MYO1B: variants seen among roughly 807,000 people sequenced by gnomAD.
The protein encoded by MYO1B is myosin IB.
MYO1B carries 72 observed loss-of-function variants against 159.7 expected under a neutral mutation model. The ratio of observed to expected loss-of-function variants is 0.45; its 90% CI spans 0.37 to 0.55. The LOEUF is 0.55. MYO1B is among the 20% of genes least tolerant of loss of function. The pLI is 0.00. For synonymous variants in MYO1B, 468 were observed against 473.8 expected (o/e 0.99, Z 0.16); for missense variants, 1,062 against 1,364.8 (o/e 0.78, Z 3.50).
At chr2:191,251,679 TAAAA>T (rs529526553) in intron 1 of MYO1B, among the ~76,000 whole-genome samples, 1 of 152,190 alleles carries the variant, frequency 6.6e-6, no homozygotes, top group Non-Finnish European at 1.5e-5. Flanking sequence ...TAAATTTGTT[TAAAA>T]AAAGAATGCA....
chr2:191,304,582 A>ATAG (rs1416315051), intron 3 of MYO1B, among the ~76,000 whole-genome samples: 1 of 100,608 alleles, frequency 9.9e-6, no homozygotes, highest in African/African-American at 3.0e-5. Context: ...AAAAACAACA[A>ATAG]CAGCAACAAC....
chr2:191,357,669 G>A (rs1050412821), intron 7 of MYO1B, among the ~76,000 whole-genome samples: 1 of 152,200 alleles, frequency 6.6e-6, no homozygotes, highest in Non-Finnish European at 1.5e-5. Context: ...AGAGAAGGCC[G>A]TGCCAATGTT....
intron 4 of MYO1B, 90 bp from the exon 5 acceptor site, chr2:191,341,371 T>C (rs1692210856): frequency 1.0e-6 from 1 of 955,204 alleles, no homozygotes. Flanking sequence ...GAAAATGCCG[T>C]TAGTGGGTCT....
intron 1 of MYO1B, among the ~76,000 whole-genome samples, chr2:191,275,735 T>G (rs1687712901): frequency 6.6e-6 from 1 of 152,232 alleles, no homozygotes; most frequent in African/African-American, 2.4e-5. Flanking sequence ...ATCAGCACAC[T>G]GAAGTTATAT....
intron 21 of MYO1B, 101 bp from the exon 22 acceptor site, chr2:191,400,281 C>G: frequency 1.6e-6 from 2 of 1,229,372 alleles, no homozygotes; most frequent in South Asian, 1.2e-5. Flanking sequence ...ATCACAATAG[C>G]ATGGGTGTTA....
Position 191,414,177 on chromosome 2 carries a change from G to A in MYO1B, c.3003G>A (p.Gly1001=). 6.2e-7 allele frequency: 1 copy of A among 1,610,286 alleles called. No homozygotes were observed. Among genetic ancestry groups the A allele is most frequent in the Non-Finnish European group, 8.5e-7 (1 of 1,178,746 alleles). The change falls in exon 28 of 31, where the codon GGG becomes GGA. Residue 1001 remains glycine, a synonymous_variant. Coordinates refer to ENST00000392318, the MANE Select transcript of MYO1B (RefSeq NM_001130158.3). ...TGAACAAAATTAACCGTGCTAATGGGAAGGTAAAAATGCTAACCTTGAAGA... is the reference window on the plus strand; with the variant it reads ...TGAACAAAATTAACCGTGCTAATGGAAAGGTAAAAATGCTAACCTTGAAGA... ...EVVNKINRAN[G]KSTSRIFLLT... is the part of the protein sequence containing the mutation.
At chr2:191,408,004 A>G (rs1204955752) in intron 24 of MYO1B, 111 bp from the exon 25 acceptor site, 2 of 588,102 alleles carry the variant, frequency 3.4e-6, no homozygotes, top group East Asian at 5.8e-5. Flanking sequence ...TCTAGAAAGG[A>G]CACTTATAAA....
intron 13 of MYO1B, 83 bp from the exon 14 acceptor site, chr2:191,381,379 A>G (rs776612717): frequency 1.0e-6 from 1 of 975,536 alleles, no homozygotes; most frequent in Non-Finnish European, 1.6e-6. Context: ...GGCATTTCTC[A>G]TGGATTGAGA....
chr2:191,324,930 A>G (rs1690955745), intron 3 of MYO1B, among the ~76,000 whole-genome samples: 1 of 152,172 alleles, frequency 6.6e-6, no homozygotes, highest in South Asian at 2.1e-4. Context: ...AATGTTTCTG[A>G]ATTAAGAATA....
chr2:191,279,873 G>A (rs1687953936), intron 2 of MYO1B, among the ~76,000 whole-genome samples: 1 of 152,108 alleles, frequency 6.6e-6, no homozygotes, highest in African/African-American at 2.4e-5. Context: ...TAATTTGTAT[G>A]TTTAGAGCTA....
At chr2:191,413,966 A>G in intron 27 of MYO1B, 82 bp from the exon 28 acceptor site, 4 of 1,415,292 alleles carry the variant, frequency 2.8e-6, no homozygotes, top group Non-Finnish European at 3.8e-6. Flanking sequence ...GCTACTCCTT[A>G]GAATCAACTG....
intron 3 of MYO1B, among the ~76,000 whole-genome samples, chr2:191,310,079 G>T (rs1222972791): frequency 6.6e-6 from 1 of 152,172 alleles, no homozygotes; most frequent in Non-Finnish European, 1.5e-5. Flanking sequence ...TTCTAGTTGT[G>T]GGTTGGGGGT....
chr2:191,360,468 G>C (rs1338156354), intron 7 of MYO1B, among the ~76,000 whole-genome samples, 163 bp from the exon 8 acceptor site: 1 of 152,134 alleles, frequency 6.6e-6, no homozygotes, highest in Non-Finnish European at 1.5e-5. Flanking sequence ...ATTTTCATTA[G>C]AGTTGTGGTT....
intron 7 of MYO1B, among the ~76,000 whole-genome samples, chr2:191,359,976 A>C (rs1203817005): frequency 6.6e-6 from 1 of 152,196 alleles, no homozygotes; most frequent in Non-Finnish European, 1.5e-5. Flanking sequence ...TATAATATCA[A>C]ATAACACCAA....
At chr2:191,360,332 A>G (rs1693582440) in intron 7 of MYO1B, among the ~76,000 whole-genome samples, 1 of 152,228 alleles carries the variant, frequency 6.6e-6, no homozygotes, top group South Asian at 2.1e-4. Flanking sequence ...CATTTTCAGG[A>G]ATTTAATGTC....
At chr2:191,289,766 A>T (rs1208756026) in intron 2 of MYO1B, among the ~76,000 whole-genome samples, 1 of 152,222 alleles carries the variant, frequency 6.6e-6, no homozygotes, top group East Asian at 1.9e-4. Flanking sequence ...TTAATATCAT[A>T]TGAGAAACTG....
At chr2:191,377,544 T>C (rs1262062917) in intron 13 of MYO1B, 2 of 152,190 alleles carry the variant, frequency 1.3e-5, no homozygotes, top group South Asian at 2.1e-4. Flanking sequence ...TCTCCACATA[T>C]AAAGTTGCTT....
chr2:191,396,933 G>T (rs1391900843), intron 21 of MYO1B, among the ~76,000 whole-genome samples: 1 of 152,066 alleles, frequency 6.6e-6, no homozygotes, highest in East Asian at 1.9e-4. Flanking sequence ...AGGTCTAGTG[G>T]TGGGGACATG....
chr2:191,399,516 A>G (rs749275699), intron 21 of MYO1B, among the ~76,000 whole-genome samples: 56 of 152,210 alleles, frequency 3.7e-4, no homozygotes, highest in Non-Finnish European at 6.5e-4. Context: ...CATTTTACAG[A>G]AAAAGTTTAC....
Sources: allele counts gnomAD v4.1 joint callset (sites outside exome capture counted in the v4.1 genomes callset), GRCh38; gene constraint gnomAD v4.1.1; transcripts MANE v1.5; gene names NCBI Gene and HGNC (gene_info 2026-07-23, HGNC 2026-07-21).